PPP1R8: variants seen among roughly 807,000 people sequenced by gnomAD.
The protein encoded by PPP1R8 is protein phosphatase 1 regulatory subunit 8, also known as nuclear inhibitor of protein phosphatase 1.
A neutral mutation model predicts 31.3 loss-of-function variants in PPP1R8; 4 were observed. That is an observed-to-expected ratio of 0.13 (90% confidence interval 0.06 to 0.29). PPP1R8 has a LOEUF of 0.29. Ranked by LOEUF, PPP1R8 falls within the 10% of genes least tolerant of loss-of-function variation. The probability of loss-of-function intolerance (pLI) is 1.00; values close to 1 mark genes in which losing one functional copy is unlikely to be tolerated. For missense variants in PPP1R8, 254 were observed against 440.1 expected, an observed-to-expected ratio of 0.58 and a Z score of 3.78; for synonymous variants, 170 against 169.7, an observed-to-expected ratio of 1.00 and a Z score of -0.01.
intron 3 of PPP1R8, among the ~76,000 whole-genome samples, chr1:27,840,026 C>T (rs1295244484): frequency 6.6e-6 from 1 of 152,082 alleles, no homozygotes; most frequent in African/African-American, 2.4e-5. Context: ...CATGACTGTA[C>T]TCCAGTCTGG....
chr1:27,830,865 C>T lies in PPP1R8; in HGVS notation c.30C>T (p.Ser10=), dbSNP rs772701103. 8 of 1,574,430 alleles carry T rather than the reference C, an allele frequency of 5.1e-6. No homozygotes were observed. The highest frequency in any genetic ancestry group is 3.5e-5 in the South Asian group (3 of 85,668). MAAAANSGS[S]LPLFDCPTWA... ...CGGCAGCCGCGAACTCCGGCTCTAG[C>T]CTCCCGCTGTTCGACTGCCCAACCT... is the stretch of plus-strand genomic sequence containing the variant. Residue 10 remains serine, a synonymous_variant, in exon 1 of 7, where the codon AGC becomes AGT. Coordinates refer to ENST00000311772, the MANE Select transcript of PPP1R8 (RefSeq NM_014110.5).
chr1:27,834,023 C>CT (rs1327366245), intron 2 of PPP1R8, among the ~76,000 whole-genome samples: 1 of 152,120 alleles, frequency 6.6e-6, no homozygotes. Flanking sequence ...TCTGTAAAAC[C>CT]TTTTTTGCTA....
Position 27,830,888 on chromosome 1 carries a change from C to G in PPP1R8, c.53C>G (p.Thr18Ser), listed in dbSNP as rs1363019985. Residue 18 changes from threonine (T) to serine (S), a missense_variant, in exon 1 of 7, where the codon ACC becomes AGC. By Grantham distance (58) the Thr-to-Ser change is moderately conservative (BLOSUM62 1). This residue lies in a region of PPP1R8 where 52 missense variants were observed against 145.3 expected (regional missense o/e 0.36). Transcript: ENST00000311772. Reference protein sequence around the residue: ...GSSLPLFDCPTWAGKPPPGLH... With the variant: ...GSSLPLFDCPSWAGKPPPGLH... Reference sequence around the variant, plus strand: ...AGCCTCCCGCTGTTCGACTGCCCAACCTGGTGAGTGGCGGGGCGGCCAGGG... The same window carrying G: ...AGCCTCCCGCTGTTCGACTGCCCAAGCTGGTGAGTGGCGGGGCGGCCAGGG... The G allele has an allele frequency of 2.5e-6, 4 of 1,570,190 alleles. No individual in the cohort carries two copies. Among genetic ancestry groups the G allele is most frequent in the Non-Finnish European group, 3.5e-6 (4 of 1,158,652 alleles).
rs763907722 is a variant in PPP1R8, at chr1:27,850,478, G to A, written c.*32G>A. ...TGGTCATGGAGAAGGGTGGGATTGG[G>A]TGGGAATGGGGTGGAAGGGTGATGG... On this transcript the variant is annotated 3_prime_UTR_variant, in exon 7 of 7. Coordinates refer to ENST00000311772, the MANE Select transcript of PPP1R8 (RefSeq NM_014110.5). The A allele has an allele frequency of 3.7e-6, 5 of 1,338,680 alleles. No homozygotes were observed. Among genetic ancestry groups the A allele is most frequent in the Non-Finnish European group, 5.2e-6 (5 of 952,882 alleles). The allele number at this position is 1,338,680 out of a possible 1,614,324, so 82.9% of individuals were successfully genotyped here. A position where few individuals can be genotyped will look rare whatever the true frequency, so the allele number is the denominator to read the frequency against.
Position 27,850,664 on chromosome 1 carries a change from T to A in PPP1R8, c.*218T>A, listed in dbSNP as rs186775979. Reference sequence around the variant, plus strand: ...ACTTGCATTGTAGAGAAAGGCTTCTTATATCCTTTTCAATAGACTGCCCTG... The same window carrying A: ...ACTTGCATTGTAGAGAAAGGCTTCTAATATCCTTTTCAATAGACTGCCCTG... On this transcript the variant is annotated 3_prime_UTR_variant, in exon 7 of 7. Coordinates refer to ENST00000311772, the MANE Select transcript of PPP1R8 (RefSeq NM_014110.5). The A allele has an allele frequency of 2.1e-4, 109 of 517,538 alleles. No individual in the cohort carries two copies. The East Asian group carries it at 2.8e-3, about 13-fold the overall frequency. 32.1% of individuals were successfully genotyped at this position (517,538 alleles called of 1,614,324 possible). A position where few individuals can be genotyped will look rare whatever the true frequency, so the allele number is the denominator to read the frequency against.
chr1:27,845,267 G>A (rs1049148934), intron 5 of PPP1R8, among the ~76,000 whole-genome samples: 3 of 151,020 alleles, frequency 2.0e-5, no homozygotes, highest in African/African-American at 7.3e-5. Context: ...GCGGGCGCCT[G>A]TAGTCCCAGC....
At chr1:27,831,239 C>T in intron 1 of PPP1R8, 1 of 1,052,156 alleles carries the variant, frequency 9.5e-7, no homozygotes, top group Non-Finnish European at 1.1e-6. Flanking sequence ...CGCATCTGGC[C>T]CCTTCCTGTA....
Position 27,830,822 on chromosome 1 carries a change from G to A in PPP1R8, c.-14G>A. On this transcript the variant is annotated 5_prime_UTR_variant, in exon 1 of 7. Transcript: ENST00000311772. ...CGTGCTTAGGGCGCGCCAAATGGGA[G>A]GGGGAGACGCAAGATGGCGGCAGCC... The A allele has an allele frequency of 2.5e-6, 4 of 1,572,992 alleles. No homozygotes were observed. Among genetic ancestry groups the A allele is most frequent in the Non-Finnish European group, 3.4e-6 (4 of 1,160,132 alleles).
chr1:27,845,783 C>CTTTTTTTTTTTTTTTTTTTTTTT (rs773994854), intron 5 of PPP1R8, among the ~76,000 whole-genome samples: 2 of 91,834 alleles, frequency 2.2e-5, no homozygotes, highest in African/African-American at 5.0e-5. Flanking sequence ...TTCTTTCTTT[C>CTTTTTTTTTTTTTTTTTTTTTTT]TTTTTTTTTT....
chr1:27,846,555 C>T (rs114385956), intron 5 of PPP1R8, among the ~76,000 whole-genome samples: 2 of 152,382 alleles, frequency 1.3e-5, no homozygotes, highest in South Asian at 2.1e-4. Flanking sequence ...TGCTAATAAG[C>T]AGGCATTAGC....
At chr1:27,838,932 C>A in intron 3 of PPP1R8, 80 bp downstream of exon 3, 1 of 1,299,380 alleles carries the variant, frequency 7.7e-7, no homozygotes, top group Non-Finnish European at 1.0e-6. Context: ...TTGGAAATTA[C>A]GTTTTATGGA....
In PPP1R8 at chr1:27,851,556, T is replaced by G. The variant is rs1448548212; in HGVS notation, c.*1110T>G. 1 of 507,560 alleles carries G rather than the reference T, an allele frequency of 2.0e-6. No individual in the cohort carries two copies. The highest frequency in any genetic ancestry group is 3.9e-6 in the Non-Finnish European group (1 of 254,034). 31.4% of individuals were successfully genotyped at this position (507,560 alleles called of 1,614,324 possible). The stretch of plus-strand genomic sequence containing the variant: ...TGGGTGCAGGCTGTGAATTTGTCTC[T>G]CAGTCACTGATTGCCACTGCCATCT... On this transcript the variant is annotated 3_prime_UTR_variant, in exon 7 of 7. Transcript: ENST00000311772.
chr1:27,837,931 G>C (rs2089186058), intron 2 of PPP1R8, among the ~76,000 whole-genome samples: 1 of 151,968 alleles, frequency 6.6e-6, no homozygotes, highest in Admixed American at 6.6e-5. Context: ...CAAAAAGTAG[G>C]CCAGGCTCGG....
chr1:27,848,265 C>T (rs144903476), intron 6 of PPP1R8, among the ~76,000 whole-genome samples: 18 of 152,040 alleles, frequency 1.2e-4, no homozygotes, highest in Non-Finnish European at 1.9e-4. Flanking sequence ...ATTAGTTGGG[C>T]GTGGTGGTGG....
chr1:27,841,326 T>C, intron 4 of PPP1R8, 92 bp downstream of exon 4: 1 of 1,361,872 alleles, frequency 7.3e-7, no homozygotes, highest in Non-Finnish European at 1.0e-6. Flanking sequence ...GCCAGTGACT[T>C]AGCAGCAGGG....
In PPP1R8 at chr1:27,838,846, A is replaced by G; in HGVS notation, c.265A>G (p.Asn89Asp). 6.3e-7 allele frequency: 1 copy of G among 1,595,846 alleles called. No individual in the cohort carries two copies. The highest frequency in any genetic ancestry group is 8.5e-7 in the Non-Finnish European group (1 of 1,173,016). Residue 89 changes from asparagine (N) to aspartate (D), a missense_variant, in exon 3 of 7, where the codon AAC becomes GAC. Physicochemically the swap from Asn to Asp is conservative, Grantham distance 23. Transcript: ENST00000311772. ...GAAGAGAGTTTTCCTGATAGATCTCAACAGTAGTAAGTAACTCCCTCCCAA... is the reference window on the plus strand; with the variant it reads ...GAAGAGAGTTTTCCTGATAGATCTCGACAGTAGTAAGTAACTCCCTCCCAA... ...HLKRVFLIDL[N>D]STHGTFLGHI...
chr1:27,836,497 C>T lies in PPP1R8; in HGVS notation c.118-2202C>T, dbSNP rs533066337. Among the ~76,000 whole-genome samples, 12 of 152,282 alleles carry T rather than the reference C, an allele frequency of 7.9e-5. No individual in the cohort carries two copies. The South Asian group carries it at 2.5e-3, about 32-fold the overall frequency. ...GTGGCCGATCTCGGCTCACTGCAAG[C>T]TCTGCCTCCCGGGCTCATGCCATTC... On this transcript the variant is annotated intron_variant, in intron 2 of 6. Coordinates refer to ENST00000311772, the MANE Select transcript of PPP1R8 (RefSeq NM_014110.5).
At chr1:27,841,286 A>G (rs1223088847) in intron 4 of PPP1R8, 52 bp downstream of exon 4, 2 of 1,584,918 alleles carry the variant, frequency 1.3e-6, no homozygotes, top group Admixed American at 3.4e-5. Context: ...TGGTTTTTGG[A>G]GTATACAGCT....
At chr1:27,849,918 C>T (rs948716409) in intron 6 of PPP1R8, among the ~76,000 whole-genome samples, 175 bp from the exon 7 acceptor site, 3 of 152,114 alleles carry the variant, frequency 2.0e-5, no homozygotes, top group Non-Finnish European at 2.9e-5. Flanking sequence ...CTCTTCAAAC[C>T]GTAAGATTTC....
Sources: gnomAD v4.1 joint callset for allele counts (sites outside exome capture counted in the v4.1 genomes callset) on GRCh38, gnomAD v4.1.1 for gene constraint, gnomAD v4.1.1 regional missense constraint, MANE v1.5 for transcripts, NCBI Gene and HGNC (gene_info 2026-07-23, HGNC 2026-07-21) for gene names.